Variants in MAP3K14 observed in about 807,000 individuals in gnomAD.
MAP3K14 encodes the protein NF-kappa-beta-inducing kinase.
Under a neutral mutation model 99.2 loss-of-function variants are expected in MAP3K14, and 16 were observed. The ratio of observed to expected loss-of-function variants is 0.16; its 90% CI spans 0.11 to 0.24. MAP3K14 has a LOEUF of 0.24. MAP3K14 is among the 10% of genes least tolerant of loss of function. The pLI is 1.00. For synonymous variants in MAP3K14, 462 were observed against 492.4 expected (o/e 0.94, Z 0.82); for missense variants, 784 against 1,208.7 (o/e 0.65, Z 5.21).
intron 1 of MAP3K14, among the ~76,000 whole-genome samples, chr17:45,315,442 G>T (rs2044522895): frequency 6.6e-6 from 1 of 152,118 alleles, no homozygotes. Context: ...TTTATTTTGA[G>T]ATCTTCTGAG....
chr17:45,273,900 G>A, intron 8 of MAP3K14: 1 of 662,634 alleles, frequency 1.5e-6, no homozygotes, highest in Non-Finnish European at 2.6e-6. Context: ...GTGGGTGGGA[G>A]CTTGACCTTC....
At chr17:45,287,760 G>T (rs2044279020) in intron 3 of MAP3K14, among the ~76,000 whole-genome samples, 1 of 152,150 alleles carries the variant, frequency 6.6e-6, no homozygotes, top group Admixed American at 6.5e-5. Flanking sequence ...GCTGCCCCTG[G>T]AGAGTTCCTA....
intron 1 of MAP3K14, among the ~76,000 whole-genome samples, chr17:45,302,054 C>T (rs895657056): frequency 6.6e-6 from 1 of 152,006 alleles, no homozygotes; most frequent in African/African-American, 2.4e-5. Context: ...TGGTCTTGAA[C>T]TCTTGAGCTC....
At chr17:45,282,755 A>T (rs1459026612) in intron 6 of MAP3K14, among the ~76,000 whole-genome samples, 1 of 152,032 alleles carries the variant, frequency 6.6e-6, no homozygotes, top group African/African-American at 2.4e-5. Context: ...CTCTGATCCG[A>T]TGTGCAGCCT....
chr17:45,299,663 AG>A (rs2044371618), intron 1 of MAP3K14, among the ~76,000 whole-genome samples: 1 of 152,246 alleles, frequency 6.6e-6, no homozygotes, highest in Non-Finnish European at 1.5e-5. Context: ...GGCCTGCTTG[AG>A]GCCTGCTTCC....
chr17:45,285,842 C>T (rs1428338993), intron 5 of MAP3K14, among the ~76,000 whole-genome samples: 1 of 151,616 alleles, frequency 6.6e-6, no homozygotes, highest in Non-Finnish European at 1.5e-5. Context: ...GTCCCAGCTA[C>T]TCGGGGGGCT....
At chr17:45,281,138 CCAGG>C (rs2044219133) in intron 6 of MAP3K14, among the ~76,000 whole-genome samples, 2 of 151,946 alleles carry the variant, frequency 1.3e-5, no homozygotes, top group Non-Finnish European at 2.9e-5. Context: ...ACTCTGTTGT[CCAGG>C]CTGGAGTGCA....
In MAP3K14 at chr17:45,270,490, T is replaced by C. The variant is rs1258690794; in HGVS notation, c.1895A>G (p.Glu632Gly). 6.2e-6 allele frequency: 10 copies of C among 1,609,688 alleles called. No individual in the cohort carries two copies. The highest frequency in any genetic ancestry group is 8.5e-6 in the Non-Finnish European group (10 of 1,178,364). ...GTGGATGGGCTCTTTCCTCAGCCCC[T>C]CTTGGATGGCCTGGGCTGTGAGAGG... ...CAPLTAQAIQ[E>G]GLRKEPIHRV... The change falls in exon 11 of 16, where the codon GAG (glutamate) becomes GGG (glycine). Residue 632 changes from glutamate (E) to glycine (G), a missense_variant. Glu to Gly is a moderately conservative substitution (Grantham distance 98). Coordinates refer to ENST00000344686, the MANE Select transcript of MAP3K14 (RefSeq NM_003954.5).
chr17:45,264,579 G>A lies in MAP3K14; in HGVS notation c.*57C>T, dbSNP rs1207524341. 16 of 1,504,972 alleles carry A rather than the reference G, an allele frequency of 1.1e-5. No individual in the cohort carries two copies. The East Asian group carries it at 1.5e-4, about 14-fold the overall frequency. 93.2% of individuals were successfully genotyped at this position (1,504,972 alleles called of 1,614,324 possible). A position where few individuals can be genotyped will look rare whatever the true frequency, so the allele number is the denominator to read the frequency against. ...TGAGCCTGTGTTTCAGGGCAGCATC[G>A]TGCACCGAGCAGGAAGGCTGCTTCC... is the stretch of plus-strand genomic sequence containing the variant. On this transcript the variant is annotated 3_prime_UTR_variant, in exon 16 of 16. Transcript: ENST00000344686.
intron 1 of MAP3K14, among the ~76,000 whole-genome samples, chr17:45,300,435 G>A (rs1043739931): frequency 3.9e-5 from 6 of 152,174 alleles, no homozygotes; most frequent in African/African-American, 1.4e-4. Flanking sequence ...CAGCTCTGTG[G>A]TCCATAATCT....
At chr17:45,305,100 A>AT (rs920600315) in intron 1 of MAP3K14, among the ~76,000 whole-genome samples, 4 of 151,394 alleles carry the variant, frequency 2.6e-5, no homozygotes, top group East Asian at 1.9e-4. Flanking sequence ...ATGTTTTTTT[A>AT]TTTTTTTTAT....
intron 11 of MAP3K14, 145 bp downstream of exon 11, chr17:45,270,268 A>C: frequency 1.9e-5 from 20 of 1,055,780 alleles, no homozygotes; most frequent in South Asian, 3.5e-5. Context: ...ATCTCCCAAC[A>C]ACCCTGAGGC....
In MAP3K14 at chr17:45,274,269, G is replaced by C; in HGVS notation, c.1421-15C>G. 2 of 1,598,170 alleles carry C rather than the reference G, an allele frequency of 1.3e-6. No individual in the cohort carries two copies. Among genetic ancestry groups the C allele is most frequent in the Non-Finnish European group, 1.7e-6 (2 of 1,172,204 alleles). The stretch of plus-strand genomic sequence containing the variant: ...CAGGGAGCCACCTAGGAGACCAAAG[G>C]CCAGGCTATACATGGGACTTGCCCG... On this transcript the variant is annotated splice_polypyrimidine_tract_variant and intron_variant, in intron 7 of 15. Coordinates refer to ENST00000344686, the MANE Select transcript of MAP3K14 (RefSeq NM_003954.5).
intron 9 of MAP3K14, 92 bp from the exon 10 acceptor site, chr17:45,271,313 A>G: frequency 9.1e-7 from 1 of 1,096,734 alleles, no homozygotes; most frequent in South Asian, 1.5e-5. Context: ...GGGGTATCTT[A>G]CATTTGTCAC....
At position 45,286,437 on chromosome 17, in the gene MAP3K14, G is replaced by T; in HGVS notation, c.1146C>A (p.Leu382=). The part of the protein sequence containing the change: ...PKTEDNEGVL[L]TEKLKPVDYE... ...GTGCCGGGGGATTAGTTACCTCAGT[G>T]AGCAGGACACCCTCGTTGTCCTCAG... Residue 382 remains leucine (L), a synonymous_variant, in exon 5 of 16, where the codon CTC becomes CTA. Transcript: ENST00000344686. The surrounding 1 kb of genome is among the most constrained non-coding windows in gnomAD (Gnocchi z 4.1). 1 of 1,591,572 alleles carries T rather than the reference G, an allele frequency of 6.3e-7. No homozygotes were observed. Among genetic ancestry groups the T allele is most frequent in the East Asian group, 2.3e-5 (1 of 44,344 alleles).
chr17:45,279,751 T>C (rs1459692532), intron 6 of MAP3K14, among the ~76,000 whole-genome samples: 2 of 152,106 alleles, frequency 1.3e-5, no homozygotes, highest in African/African-American at 4.8e-5. Context: ...TCTGTTTTAT[T>C]CCATCAATAA....
At chr17:45,273,858 C>T (rs986924024) in intron 8 of MAP3K14, 14 of 643,366 alleles carry the variant, frequency 2.2e-5, no homozygotes, top group South Asian at 5.3e-5. Flanking sequence ...CCACTCTGCT[C>T]GCCTGCGCCG....
intron 13 of MAP3K14, 89 bp from the exon 14 acceptor site, chr17:45,266,770 G>T: frequency 1.4e-6 from 2 of 1,395,526 alleles, no homozygotes; most frequent in South Asian, 1.3e-5. Context: ...AAGGGGCACT[G>T]CTCATGCCCT....
intron 1 of MAP3K14, among the ~76,000 whole-genome samples, chr17:45,315,048 G>A (rs1040426807): frequency 1.3e-5 from 2 of 151,824 alleles, no homozygotes; most frequent in Non-Finnish European, 2.9e-5. Context: ...CAGTTGCCGA[G>A]GGCTGGACAA....
Sources: allele counts gnomAD v4.1 joint callset (sites outside exome capture counted in the v4.1 genomes callset), GRCh38; gene constraint gnomAD v4.1.1; non-coding constraint Gnocchi (gnomAD v3.1); transcripts MANE v1.5; gene names NCBI Gene and HGNC (gene_info 2026-07-23, HGNC 2026-07-21).